SYT9: variants seen among roughly 807,000 people sequenced by gnomAD.
SYT9 encodes synaptotagmin 9.
SYT9 carries 22 observed loss-of-function variants against 48.4 expected under a neutral mutation model. The ratio of observed to expected loss-of-function variants is 0.45; its 90% CI spans 0.32 to 0.65. The LOEUF (loss-of-function observed/expected upper bound fraction) is 0.65, where lower values mean the gene tolerates loss of function less well. Ranked by LOEUF, SYT9 falls within the 30% of genes least tolerant of loss-of-function variation. The pLI is 0.03. For missense variants in SYT9, 577 were observed against 622.0 expected (o/e 0.93, Z 0.77); for synonymous variants, 265 against 245.0 (o/e 1.08, Z -0.76).
chr11:7,426,102 G>A (rs1423671694), intron 6 of SYT9, among the ~76,000 whole-genome samples: 2 of 152,018 alleles, frequency 1.3e-5, no homozygotes, highest in Non-Finnish European at 2.9e-5. Context: ...AGTCTCTTTG[G>A]GATAATTATT....
At chr11:7,447,299 A>C (rs1156811781) in intron 6 of SYT9, among the ~76,000 whole-genome samples, 2 of 152,140 alleles carry the variant, frequency 1.3e-5, no homozygotes, top group African/African-American at 4.8e-5. Flanking sequence ...TATAGGTTAG[A>C]ACCCAAGTTC....
chr11:7,362,970 T>C (rs1850173538), intron 3 of SYT9, among the ~76,000 whole-genome samples: 1 of 137,486 alleles, frequency 7.3e-6, no homozygotes, highest in Non-Finnish European at 1.5e-5. Flanking sequence ...TTTTTTTTTT[T>C]TTTTTTTGGC....
chr11:7,270,073 A>C (rs75242946), intron 1 of SYT9, among the ~76,000 whole-genome samples: 1 of 152,176 alleles, frequency 6.6e-6, no homozygotes. Flanking sequence ...GTACTGCTGA[A>C]ATACATTAAT....
chr11:7,373,014 T>A (rs184489564), intron 3 of SYT9, among the ~76,000 whole-genome samples: 36 of 152,288 alleles, frequency 2.4e-4, no homozygotes, highest in Non-Finnish European at 3.5e-4. Context: ...TTTTTCTCCT[T>A]CAGTTCATTA....
At position 7,468,373 on chromosome 11, in the gene SYT9, C is replaced by T. The variant is rs956300874; in HGVS notation, c.*1573C>T. Reference sequence around the variant, plus strand: ...GGCCTTTGTTTGTAGGAAGCAGTGTCATTACATTCAAGCTTCACTTCTCTG... The same window carrying T: ...GGCCTTTGTTTGTAGGAAGCAGTGTTATTACATTCAAGCTTCACTTCTCTG... On this transcript the variant is annotated 3_prime_UTR_variant, in exon 7 of 7. Transcript: ENST00000318881. 2.5e-6 allele frequency: 1 copy of T among 398,424 alleles called. No homozygotes were observed. The highest frequency in any genetic ancestry group is 2.1e-5 in the African/African-American group (1 of 48,646). The allele number at this position is 398,424 out of a possible 1,614,324, so 24.7% of individuals were successfully genotyped here. A position where few individuals can be genotyped will look rare whatever the true frequency, so the allele number is the denominator to read the frequency against.
chr11:7,346,892 G>C (rs1385405600), intron 3 of SYT9, among the ~76,000 whole-genome samples: 1 of 152,158 alleles, frequency 6.6e-6, no homozygotes, highest in Non-Finnish European at 1.5e-5. Context: ...TTCTTCACTT[G>C]CAATTTTTAT....
chr11:7,389,952 A>T (rs1489100878), intron 3 of SYT9, among the ~76,000 whole-genome samples: 1 of 152,188 alleles, frequency 6.6e-6, no homozygotes, highest in Admixed American at 6.6e-5. Flanking sequence ...CTCTATGCCC[A>T]GCCAACTTTC....
At chr11:7,367,344 G>A (rs995114752) in intron 3 of SYT9, among the ~76,000 whole-genome samples, 13 of 151,200 alleles carry the variant, frequency 8.6e-5, no homozygotes, top group African/African-American at 2.9e-4. Flanking sequence ...GCCTCCCAGA[G>A]TGCTGGGATT....
intron 1 of SYT9, among the ~76,000 whole-genome samples, chr11:7,269,918 A>G (rs575452281): frequency 2.7e-5 from 4 of 146,610 alleles, no homozygotes; most frequent in African/African-American, 1.1e-4. Context: ...CCTAAAGCCA[A>G]AAACCATAAA....
At chr11:7,316,826 G>C (rs142110867) in intron 3 of SYT9, among the ~76,000 whole-genome samples, 2 of 152,330 alleles carry the variant, frequency 1.3e-5, no homozygotes, top group East Asian at 3.9e-4. Flanking sequence ...GTATGTGTGT[G>C]CATGTATGCA....
intron 3 of SYT9, among the ~76,000 whole-genome samples, chr11:7,369,633 C>T (rs1330351490): frequency 6.6e-6 from 1 of 151,774 alleles, no homozygotes; most frequent in Non-Finnish European, 1.5e-5. Flanking sequence ...GTCTTTAATC[C>T]ATCTAAGTTA....
chr11:7,350,084 G>A (rs1849883253), intron 3 of SYT9, among the ~76,000 whole-genome samples: 1 of 152,208 alleles, frequency 6.6e-6, no homozygotes, highest in Non-Finnish European at 1.5e-5. Context: ...TTGCTGAATA[G>A]ATGATACATC....
intron 1 of SYT9, among the ~76,000 whole-genome samples, chr11:7,241,835 C>G (rs1239999894): frequency 2.0e-5 from 3 of 152,122 alleles, no homozygotes; most frequent in Non-Finnish European, 4.4e-5. Flanking sequence ...AAAAATCCTG[C>G]CAGATAATTC....
chr11:7,262,511 G>T (rs1848098624), intron 1 of SYT9, among the ~76,000 whole-genome samples: 1 of 152,270 alleles, frequency 6.6e-6, no homozygotes, highest in South Asian at 2.1e-4. Context: ...CTGTCCAACG[G>T]TAAGAGGCTA....
intron 3 of SYT9, among the ~76,000 whole-genome samples, chr11:7,360,446 A>T (rs1319950336): frequency 6.6e-6 from 1 of 152,142 alleles, no homozygotes; most frequent in Non-Finnish European, 1.5e-5. Context: ...CTTGGGCAGT[A>T]TGGCCATTTT....
intron 1 of SYT9, among the ~76,000 whole-genome samples, chr11:7,256,842 G>A (rs537081551): frequency 5.3e-5 from 8 of 152,306 alleles, no homozygotes; most frequent in Admixed American, 2.0e-4. Context: ...GCAGGTCAGA[G>A]TATGAAGCAG....
At chr11:7,370,908 T>A (rs1285764393) in intron 3 of SYT9, among the ~76,000 whole-genome samples, 1 of 152,206 alleles carries the variant, frequency 6.6e-6, no homozygotes, top group Non-Finnish European at 1.5e-5. Context: ...TGAATAGAAT[T>A]TTTAGTTGTT....
At chr11:7,416,223 A>C in intron 4 of SYT9, 61 bp downstream of exon 4, 1 of 1,598,810 alleles carries the variant, frequency 6.3e-7, no homozygotes, top group South Asian at 1.1e-5. Flanking sequence ...TACCTTATAA[A>C]GTTTTAGTAT....
chr11:7,417,256 T>C (rs539772628), intron 4 of SYT9, among the ~76,000 whole-genome samples: 3 of 152,068 alleles, frequency 2.0e-5, no homozygotes, highest in African/African-American at 7.2e-5. Context: ...GAGCAATGCA[T>C]GGTTATGCAG....
Sources: gnomAD v4.1 joint callset for allele counts (sites outside exome capture counted in the v4.1 genomes callset) on GRCh38, gnomAD v4.1.1 for gene constraint, MANE v1.5 for transcripts, NCBI Gene and HGNC (gene_info 2026-07-23, HGNC 2026-07-21) for gene names.